Variants in RBMS3 observed in about 807,000 individuals in gnomAD.
The protein encoded by RBMS3 is RNA binding motif single stranded interacting protein 3.
In RBMS3, 27 loss-of-function variants were observed where a neutral mutation model predicts 66.8. The ratio of observed to expected loss-of-function variants is 0.40; its 90% CI spans 0.30 to 0.56. RBMS3 has a LOEUF of 0.56. RBMS3 is among the 20% of genes least tolerant of loss of function. The pLI is 0.40. For missense variants in RBMS3, 513 were observed against 549.5 expected, an observed-to-expected ratio of 0.93 and a Z score of 0.66; for synonymous variants, 188 against 183.0, an observed-to-expected ratio of 1.03 and a Z score of -0.22.
intron 3 of RBMS3, among the ~76,000 whole-genome samples, chr3:29,571,997 C>T (rs751591658): frequency 1.3e-4 from 19 of 151,892 alleles, no homozygotes; most frequent in Non-Finnish European, 2.7e-4. Context: ...TATTTTTCTT[C>T]TTTGATTAAT....
intron 12 of RBMS3, among the ~76,000 whole-genome samples, chr3:29,963,101 T>A (rs1293816267): frequency 1.3e-5 from 2 of 151,798 alleles, no homozygotes; most frequent in East Asian, 1.9e-4. Context: ...CATGGAAAAA[T>A]GATCAAAATG....
rs1024913050 is a variant in RBMS3 at position 30,010,384 on chromosome 3, C to T, written c.*6522C>T. On this transcript the variant is annotated 3_prime_UTR_variant, in exon 15 of 15. Coordinates refer to ENST00000383767, the MANE Select transcript of RBMS3 (RefSeq NM_001003793.3). ...TTTCAATAAAAAATGAAAATAAAATCAATTGAATAGGGCTGTTGTGTTTTT... is the reference window on the plus strand; with the variant it reads ...TTTCAATAAAAAATGAAAATAAAATTAATTGAATAGGGCTGTTGTGTTTTT... 2 of 152,120 alleles carry T rather than the reference C, an allele frequency of 1.3e-5. No individual in the cohort carries two copies. Among genetic ancestry groups the T allele is most frequent in the Non-Finnish European group, 2.9e-5 (2 of 68,016 alleles). The allele number at this position is 152,120 out of a possible 1,614,324, so 9.4% of individuals were successfully genotyped here. A position where few individuals can be genotyped will look rare whatever the true frequency, so the allele number is the denominator to read the frequency against.
At chr3:29,466,586 G>T (rs552533065) in intron 2 of RBMS3, among the ~76,000 whole-genome samples, 3 of 152,234 alleles carry the variant, frequency 2.0e-5, no homozygotes, top group African/African-American at 7.2e-5. Context: ...GAATAATGAT[G>T]CTATTGTTAA....
chr3:29,964,177 G>A (rs904948641), intron 12 of RBMS3, among the ~76,000 whole-genome samples: 14 of 152,186 alleles, frequency 9.2e-5, no homozygotes, highest in African/African-American at 3.4e-4. Context: ...AATAGTGTGT[G>A]AAGTATAACA....
chr3:29,320,351 C>G (rs775476280), intron 1 of RBMS3, among the ~76,000 whole-genome samples: 1 of 151,896 alleles, frequency 6.6e-6, no homozygotes, highest in African/African-American at 2.4e-5. Flanking sequence ...TTTAAATGCT[C>G]TAAAGGAATT....
rs545185403 is a variant in RBMS3, at chr3:30,006,198, A to C, written c.*2336A>C. The C allele has an allele frequency of 6.6e-6, 1 of 152,016 alleles. No homozygotes were observed. The highest frequency in any genetic ancestry group is 2.4e-5 in the African/African-American group (1 of 41,534). The allele number at this position is 152,016 out of a possible 1,614,324, so 9.4% of individuals were successfully genotyped here. ...GAAATGTATTTAAGTGTACTATAAA[A>C]CAGGGTAGGCTTTTTAAAAACTAAA... On this transcript the variant is annotated 3_prime_UTR_variant, in exon 15 of 15. Transcript: ENST00000383767.
At chr3:29,949,089 C>A (rs999175020) in intron 12 of RBMS3, among the ~76,000 whole-genome samples, 2 of 151,400 alleles carry the variant, frequency 1.3e-5, no homozygotes, top group African/African-American at 4.8e-5. Context: ...AAAATTGAAT[C>A]ATTAAGAATT....
intron 4 of RBMS3, among the ~76,000 whole-genome samples, chr3:29,632,030 A>G (rs7428817): frequency 0.32 from 48,853 of 151,682 alleles, 8,384 homozygotes; most frequent in African/African-American, 0.44. Flanking sequence ...CAAATGAATG[A>G]CCGTTAGATT....
At chr3:29,865,484 G>C (rs10514683) in intron 6 of RBMS3, among the ~76,000 whole-genome samples, 1 of 152,232 alleles carries the variant, frequency 6.6e-6, no homozygotes, top group East Asian at 1.9e-4. Flanking sequence ...GTAGCCACTG[G>C]TCAATGTGTT....
chr3:29,974,167 G>T (rs1014319790), intron 12 of RBMS3, among the ~76,000 whole-genome samples: 3 of 151,798 alleles, frequency 2.0e-5, no homozygotes, highest in African/African-American at 7.3e-5. Context: ...ACACTTCCTA[G>T]AAATCTTATT....
In RBMS3 at chr3:30,009,515, A is replaced by G. The variant is rs1221088235; in HGVS notation, c.*5653A>G. The G allele has an allele frequency of 6.6e-6, 1 of 152,116 alleles. No homozygotes were observed. The highest frequency in any genetic ancestry group is 1.5e-5 in the Non-Finnish European group (1 of 68,008). 9.4% of individuals were successfully genotyped at this position (152,116 alleles called of 1,614,324 possible). ...TTGCAGAATATATGGGAAAAAAATCATAGCAAAGAATTCAGCTTCCCTCAA... is the reference window on the plus strand; with the variant it reads ...TTGCAGAATATATGGGAAAAAAATCGTAGCAAAGAATTCAGCTTCCCTCAA... On this transcript the variant is annotated 3_prime_UTR_variant, in exon 15 of 15. Coordinates refer to ENST00000383767, the MANE Select transcript of RBMS3 (RefSeq NM_001003793.3).
At chr3:29,740,070 C>T (rs1030203918) in intron 5 of RBMS3, 193 bp downstream of exon 5, 3 of 456,974 alleles carry the variant, frequency 6.6e-6, no homozygotes, top group African/African-American at 2.0e-5. Flanking sequence ...TATAAATAAA[C>T]TGTGCTTGTT....
chr3:29,573,562 A>G (rs1393963896), intron 3 of RBMS3, among the ~76,000 whole-genome samples: 4 of 152,120 alleles, frequency 2.6e-5, no homozygotes, highest in Admixed American at 1.3e-4. Context: ...TTTGTTTCAA[A>G]TCATTTATTT....
In RBMS3 at chr3:29,554,315, A is replaced by G. The variant is rs925118053; in HGVS notation, c.308-32799A>G. On this transcript the variant is annotated intron_variant, in intron 3 of 14. Transcript: ENST00000383767. ...ACTATTCTCTTAGCCTTTGGCTTTC[A>G]GCCTATTACCAGGTTTTGCCTACAA... Among the ~76,000 whole-genome samples, 5 of 152,332 alleles carry G rather than the reference A, an allele frequency of 3.3e-5. No individual in the cohort carries two copies. In the East Asian group the frequency reaches 9.7e-4, roughly 29 times the overall value.
intron 1 of RBMS3, among the ~76,000 whole-genome samples, chr3:29,416,878 T>C (rs2040498254): frequency 6.6e-6 from 1 of 152,186 alleles, no homozygotes; most frequent in Non-Finnish European, 1.5e-5. Flanking sequence ...CCAAATTTAC[T>C]ATCCTAACCT....
intron 2 of RBMS3, among the ~76,000 whole-genome samples, chr3:29,444,811 T>TTTTC (rs2041764568): frequency 7.2e-6 from 1 of 138,650 alleles, no homozygotes; most frequent in African/African-American, 2.7e-5. Flanking sequence ...TTTTTTTTTT[T>TTTTC]TGCTCCATCT....
chr3:29,890,907 TC>T, intron 8 of RBMS3, among the ~76,000 whole-genome samples: 1 of 151,650 alleles, frequency 6.6e-6, no homozygotes, highest in East Asian at 2.0e-4. Context: ...GCAAATTATT[TC>T]CATAGGACCG....
At chr3:29,713,294 T>C (rs1176933911) in intron 4 of RBMS3, among the ~76,000 whole-genome samples, 1 of 152,062 alleles carries the variant, frequency 6.6e-6, no homozygotes, top group East Asian at 1.9e-4. Flanking sequence ...CATATAAGGA[T>C]GATTAAAACC....
At chr3:29,860,041 A>G (rs1469809074) in intron 6 of RBMS3, among the ~76,000 whole-genome samples, 1 of 152,244 alleles carries the variant, frequency 6.6e-6, no homozygotes, top group Non-Finnish European at 1.5e-5. Context: ...GGATATGACA[A>G]ACAAAATAGT....
Sources: allele counts gnomAD v4.1 joint callset (sites outside exome capture counted in the v4.1 genomes callset), GRCh38; gene constraint gnomAD v4.1.1; transcripts MANE v1.5; gene names NCBI Gene and HGNC (gene_info 2026-07-23, HGNC 2026-07-21).